The following MID2 variants were observed in gnomAD, a reference collection of about 807,000 sequenced individuals.
The protein encoded by MID2 is midline 2, also known as probable E3 ubiquitin-protein ligase MID2.
In MID2, 13 loss-of-function variants were observed where a neutral mutation model predicts 46.1. The ratio of observed to expected loss-of-function variants is 0.28; its 90% CI spans 0.18 to 0.45. The LOEUF (loss-of-function observed/expected upper bound fraction) is 0.45, where lower values mean the gene tolerates loss of function less well. Among genes scored for constraint, MID2 ranks in the 20% least tolerant of loss-of-function variants. The pLI is 1.00. For synonymous variants in MID2, 199 were observed against 212.3 expected, an observed-to-expected ratio of 0.94 and a Z score of 0.55; for missense variants, 431 against 575.4, an observed-to-expected ratio of 0.75 and a Z score of 2.57.
At chrX:107,894,828 AGTGTGTGTGTGTGT>A (rs1160011458) in intron 3 of MID2, 1 of 81,012 alleles carries the variant, frequency 1.2e-5, no homozygotes, top group East Asian at 4.1e-4. Flanking sequence ...GAGTGGGGTG[AGTGTGTGTGTGTGT>A]GTGTGTGTGT....
intron 1 of MID2, among the ~76,000 whole-genome samples, chrX:107,840,414 T>C (rs1421444502): frequency 8.9e-6 from 1 of 112,206 alleles, no homozygotes; most frequent in African/African-American, 3.2e-5. Flanking sequence ...AATGGTAATG[T>C]TAATCAGTCT....
intron 3 of MID2, among the ~76,000 whole-genome samples, chrX:107,889,865 A>G (rs1313049687): frequency 1.8e-5 from 2 of 109,504 alleles, no homozygotes; most frequent in Non-Finnish European, 3.8e-5. Flanking sequence ...CATTTCATTC[A>G]TTTCATCTTC....
chrX:107,855,195 G>A (rs1931715334), intron 3 of MID2, among the ~76,000 whole-genome samples: 1 of 111,018 alleles, frequency 9.0e-6, no homozygotes, highest in Non-Finnish European at 1.9e-5. Flanking sequence ...TCTATACCAT[G>A]CACCCCACCT....
chrX:107,839,379 G>T lies in MID2; in HGVS notation c.5-1291G>T, dbSNP rs776636690. On this transcript the variant is annotated intron_variant, in intron 1 of 9. Transcript: ENST00000262843. ...GTGGCTTTTTTTGTTTGTTTTGTTT[G>T]TTTTTTTTTTTTTTGGCAGTCTCAC... Among the ~76,000 whole-genome samples the T allele has an allele frequency of 1.4e-3, 127 of 93,727 alleles. 1 individual carries two copies. Among genetic ancestry groups the T allele is most frequent in the African/African-American group, 4.1e-3 (105 of 25,523 alleles). 81.4% of individuals were successfully genotyped at this position (93,727 alleles called of 115,157 possible).
intron 3 of MID2, chrX:107,895,591 G>A (rs761618785): frequency 8.9e-6 from 1 of 112,220 alleles, no homozygotes; most frequent in South Asian, 3.7e-4. Context: ...GAGCATTTCA[G>A]TTGTTTCCAG....
Position 107,926,132 on chromosome X carries a change from A to G in MID2, c.1636A>G (p.Lys546Glu). Residue 546 changes from lysine (K) to glutamate (E), a missense_variant, in exon 9 of 10, where the codon AAG becomes GAG. Lys to Glu is a moderately conservative substitution (Grantham distance 56). Transcript: ENST00000262843. ...FKLDPKMTHK[K>E]LKISNDGLQM... ...ATTGGATCCCAAAATGACTCACAAGAAGTTGAAGATCTCCAATGATGGATT... is the reference window on the plus strand; with the variant it reads ...ATTGGATCCCAAAATGACTCACAAGGAGTTGAAGATCTCCAATGATGGATT... The G allele has an allele frequency of 8.3e-7, 1 of 1,207,826 alleles. No individual in the cohort carries two copies. Among genetic ancestry groups the G allele is most frequent in the South Asian group, 1.8e-5 (1 of 56,730 alleles).
At chrX:107,890,169 G>A (rs1313891557) in intron 3 of MID2, among the ~76,000 whole-genome samples, 8 of 112,329 alleles carry the variant, frequency 7.1e-5, no homozygotes, top group African/African-American at 1.6e-4. Flanking sequence ...GAGGAGCTGC[G>A]TTCCTTTGGA....
intron 7 of MID2, among the ~76,000 whole-genome samples, chrX:107,920,937 A>G (rs1933060038): frequency 8.9e-6 from 1 of 112,008 alleles, no homozygotes; most frequent in African/African-American, 3.2e-5. Context: ...TCCTAAGAAT[A>G]AGGAAATTCT....
intron 3 of MID2, among the ~76,000 whole-genome samples, chrX:107,870,818 A>G (rs1932048792): frequency 1.0e-5 from 1 of 97,681 alleles, no homozygotes; most frequent in African/African-American, 4.0e-5. Context: ...GTCTATATCT[A>G]TAAGTGTATC....
chrX:107,857,281 C>CTTT (rs1172837242), intron 3 of MID2, among the ~76,000 whole-genome samples: 3 of 97,435 alleles, frequency 3.1e-5, no homozygotes, highest in Admixed American at 1.1e-4. Flanking sequence ...TTAACTTCCT[C>CTTT]TTTTTTTTTT....
intron 3 of MID2, among the ~76,000 whole-genome samples, chrX:107,876,389 G>A (rs1262298163): frequency 9.0e-6 from 1 of 111,469 alleles, no homozygotes; most frequent in African/African-American, 3.3e-5. Flanking sequence ...ACTGAATTGG[G>A]AGATAGAGAG....
chrX:107,846,956 A>C (rs929090022), intron 2 of MID2, among the ~76,000 whole-genome samples: 2 of 112,200 alleles, frequency 1.8e-5, no homozygotes, highest in African/African-American at 6.5e-5. Flanking sequence ...CATATTACAG[A>C]AATATAATAT....
At chrX:107,859,676 G>T (rs1207908562) in intron 3 of MID2, among the ~76,000 whole-genome samples, 1 of 112,618 alleles carries the variant, frequency 8.9e-6, no homozygotes, top group African/African-American at 3.2e-5. Flanking sequence ...AAACACTCAG[G>T]CCTGCCTGAG....
chrX:107,887,749 G>C (rs960002238), intron 3 of MID2, among the ~76,000 whole-genome samples: 1 of 111,672 alleles, frequency 9.0e-6, no homozygotes, highest in African/African-American at 3.3e-5. Context: ...GAATCCATCC[G>C]ATCCTGGACT....
At chrX:107,890,304 T>C (rs950970498) in intron 3 of MID2, among the ~76,000 whole-genome samples, 10 of 112,289 alleles carry the variant, frequency 8.9e-5, no homozygotes, top group Admixed American at 1.9e-4. Flanking sequence ...TTGGTGTGGA[T>C]GTCCTTTCTG....
At chrX:107,873,510 C>A (rs984632597) in intron 3 of MID2, among the ~76,000 whole-genome samples, 2 of 112,069 alleles carry the variant, frequency 1.8e-5, no homozygotes, top group African/African-American at 6.5e-5. Flanking sequence ...TTCCATTGGT[C>A]AGCAGCCTGT....
At chrX:107,919,062 G>A (rs1184906579) in intron 7 of MID2, among the ~76,000 whole-genome samples, 1 of 110,358 alleles carries the variant, frequency 9.1e-6, no homozygotes, top group African/African-American at 3.3e-5. Context: ...AACATTTCCA[G>A]TGATAGGTAC....
intron 3 of MID2, among the ~76,000 whole-genome samples, chrX:107,857,359 C>T (rs1373002257): frequency 1.8e-5 from 2 of 108,556 alleles, no homozygotes; most frequent in African/African-American, 6.8e-5. Context: ...CGGCTCACTG[C>T]AACCTCTGCC....
intron 5 of MID2, among the ~76,000 whole-genome samples, chrX:107,915,675 T>C (rs1932958710): frequency 9.0e-6 from 1 of 111,711 alleles, no homozygotes; most frequent in Non-Finnish European, 1.9e-5. Flanking sequence ...TTACCAAACC[T>C]TTAAAGGTCT....
Sources: allele counts gnomAD v4.1 joint callset (sites outside exome capture counted in the v4.1 genomes callset), GRCh38; gene constraint gnomAD v4.1.1; transcripts MANE v1.5; gene names NCBI Gene and HGNC (gene_info 2026-07-23, HGNC 2026-07-21).